CACNA2D3: variants seen among roughly 807,000 people sequenced by gnomAD.
CACNA2D3 encodes calcium voltage-gated channel auxiliary subunit alpha2delta 3.
Under a neutral mutation model 160.6 loss-of-function variants are expected in CACNA2D3, and 60 were observed. The observed-to-expected ratio is 0.37, with a 90% CI of 0.30 to 0.46. The LOEUF (loss-of-function observed/expected upper bound fraction) is 0.46. CACNA2D3 is among the 20% of genes least tolerant of loss of function. The pLI, the probability that CACNA2D3 is intolerant of heterozygous loss-of-function variation, is 1.00. For missense variants in CACNA2D3, 1,205 were observed against 1,365.0 expected (o/e 0.88, Z 1.85); for synonymous variants, 558 against 492.9 (o/e 1.13, Z -1.75).
At chr3:54,604,855 A>G (rs564699446) in intron 9 of CACNA2D3, among the ~76,000 whole-genome samples, 2 of 152,294 alleles carry the variant, frequency 1.3e-5, no homozygotes, top group East Asian at 3.9e-4. Context: ...TCTGTAGTCA[A>G]CATCTCATGA....
intron 21 of CACNA2D3, 149 bp from the exon 22 acceptor site, chr3:54,885,132 A>AG: frequency 1.4e-6 from 1 of 708,032 alleles, no homozygotes; most frequent in Non-Finnish European, 2.4e-6. Context: ...TATTTTCCTC[A>AG]GAAAATAAAC....
chr3:54,468,549 C>T (rs114320072), intron 4 of CACNA2D3, among the ~76,000 whole-genome samples: 109 of 152,268 alleles, frequency 7.2e-4, no homozygotes, highest in East Asian at 2.7e-3. Flanking sequence ...TTCATGTCCC[C>T]GTGGCGCCTG....
chr3:55,072,696 T>A (rs920199258), intron 35 of CACNA2D3, among the ~76,000 whole-genome samples: 2 of 152,102 alleles, frequency 1.3e-5, no homozygotes, highest in African/African-American at 4.8e-5. Context: ...AAAGAAAGAG[T>A]CAGTAGTGTT....
chr3:54,333,433 C>A (rs1417047533), intron 3 of CACNA2D3, among the ~76,000 whole-genome samples: 1 of 152,074 alleles, frequency 6.6e-6, no homozygotes, highest in Admixed American at 6.6e-5. Context: ...GCCATGTTCC[C>A]CACTTTTCTC....
At chr3:54,788,600 C>G (rs748013663) in intron 13 of CACNA2D3, among the ~76,000 whole-genome samples, 17 of 152,144 alleles carry the variant, frequency 1.1e-4, no homozygotes, top group Non-Finnish European at 1.5e-4. Flanking sequence ...TGACCACACC[C>G]CAGAATTTCT....
intron 17 of CACNA2D3, among the ~76,000 whole-genome samples, chr3:54,869,957 T>A (rs1699488141): frequency 6.6e-6 from 1 of 152,106 alleles, no homozygotes; most frequent in Non-Finnish European, 1.5e-5. Flanking sequence ...AAACTGACCG[T>A]GAATGTCTGT....
intron 4 of CACNA2D3, among the ~76,000 whole-genome samples, chr3:54,470,034 C>T (rs1193913861): frequency 2.0e-5 from 3 of 152,142 alleles, no homozygotes; most frequent in African/African-American, 7.2e-5. Context: ...AGAATTTCCC[C>T]AATCTAGCAA....
intron 12 of CACNA2D3, among the ~76,000 whole-genome samples, chr3:54,763,585 G>T (rs1702124714): frequency 6.7e-6 from 1 of 149,994 alleles, no homozygotes; most frequent in African/African-American, 2.5e-5. Flanking sequence ...ATTTGTACCA[G>T]GGAATAAACA....
At chr3:54,220,594 C>T (rs963651828) in intron 2 of CACNA2D3, among the ~76,000 whole-genome samples, 1 of 152,118 alleles carries the variant, frequency 6.6e-6, no homozygotes, top group African/African-American at 2.4e-5. Context: ...GCTGGGCAGC[C>T]TGGAGCCTCA....
rs1702370738 is a variant in CACNA2D3, at chr3:54,774,024, A to G, written c.1380+9673A>G. Among the ~76,000 whole-genome samples the G allele has an allele frequency of 1.3e-5, 2 of 152,244 alleles. 1 individual carries two copies. The highest frequency in any genetic ancestry group is 4.1e-4 in the South Asian group (2 of 4,836). On this transcript the variant is annotated intron_variant, in intron 13 of 37. Coordinates refer to ENST00000474759, the MANE Select transcript of CACNA2D3 (RefSeq NM_018398.3). ...ATCCTCTGCCATACACCAATGGATA[A>G]GAGCATCTAGCCTGAATAATCATAC...
intron 31 of CACNA2D3, among the ~76,000 whole-genome samples, chr3:54,995,534 C>A (rs1285878739): frequency 6.6e-6 from 1 of 152,128 alleles, no homozygotes; most frequent in South Asian, 2.1e-4. Context: ...AGCTGCTGAG[C>A]CCCAGCCATC....
chr3:54,618,168 T>G (rs1698896436), intron 9 of CACNA2D3, among the ~76,000 whole-genome samples: 1 of 151,760 alleles, frequency 6.6e-6, no homozygotes, highest in South Asian at 2.1e-4. Flanking sequence ...ATGGTATAAA[T>G]GAAGAAATTA....
intron 2 of CACNA2D3, among the ~76,000 whole-genome samples, chr3:54,311,760 C>T (rs1040731309): frequency 6.6e-6 from 1 of 152,202 alleles, no homozygotes; most frequent in African/African-American, 2.4e-5. Flanking sequence ...TTTGTCAACA[C>T]ATTCCCCCCA....
intron 15 of CACNA2D3, 27 bp downstream of exon 15, chr3:54,837,257 T>A (rs370354091): frequency 6.0e-5 from 96 of 1,604,396 alleles, no homozygotes; most frequent in Non-Finnish European, 8.1e-5. Context: ...AGCTTCCTGC[T>A]TGATGCTAGG....
Position 55,073,768 on chromosome 3 carries a change from A to G in CACNA2D3, c.3101-9A>G. The stretch of plus-strand genomic sequence containing the variant: ...CAATCCTTGGAAACATGCCTTAACT[A>G]CAGTCAACATAATGAATCCCTTAAG... On this transcript the variant is annotated splice_polypyrimidine_tract_variant and intron_variant, in intron 36 of 37. Transcript: ENST00000474759. 2 of 1,610,120 alleles carry G rather than the reference A, an allele frequency of 1.2e-6. No homozygotes were observed. Among genetic ancestry groups the G allele is most frequent in the Non-Finnish European group, 1.7e-6 (2 of 1,176,820 alleles).
chr3:54,763,791 ATATATAT>A (rs1702147917), intron 12 of CACNA2D3, among the ~76,000 whole-genome samples: 1 of 42,126 alleles, frequency 2.4e-5, no homozygotes, highest in African/African-American at 8.9e-5. Context: ...ATATATATGT[ATATATAT>A]GTACATATAT....
At chr3:54,222,273 AG>A (rs1701588241) in intron 2 of CACNA2D3, among the ~76,000 whole-genome samples, 1 of 152,302 alleles carries the variant, frequency 6.6e-6, no homozygotes, top group Admixed American at 6.5e-5. Context: ...CCCCAGAACC[AG>A]GAGAGCTGGT....
intron 27 of CACNA2D3, among the ~76,000 whole-genome samples, chr3:54,902,309 T>C (rs192201030): frequency 4.6e-5 from 7 of 152,318 alleles, no homozygotes; most frequent in Non-Finnish European, 1.0e-4. Flanking sequence ...ATTTTCTTGT[T>C]TTTTGTTTTA....
chr3:54,851,298 T>A (rs568229056), intron 17 of CACNA2D3, among the ~76,000 whole-genome samples: 1 of 152,284 alleles, frequency 6.6e-6, no homozygotes, highest in Non-Finnish European at 1.5e-5. Flanking sequence ...AGGTGGAAGA[T>A]ACATCTAGCA....
Sources: allele counts gnomAD v4.1 joint callset (sites outside exome capture counted in the v4.1 genomes callset), GRCh38; gene constraint gnomAD v4.1.1; transcripts MANE v1.5; gene names NCBI Gene and HGNC (gene_info 2026-07-23, HGNC 2026-07-21).